DENND2C: variants seen among roughly 807,000 people sequenced by gnomAD.
DENND2C encodes DENN domain containing 2C, also known as DENN domain-containing protein 2C.
Under a neutral mutation model 112.4 loss-of-function variants are expected in DENND2C, and 72 were observed. The ratio of observed to expected loss-of-function variants is 0.64; its 90% confidence interval spans 0.53 to 0.78. The LOEUF (loss-of-function observed/expected upper bound fraction) is 0.78. DENND2C is among the 30% of genes least tolerant of loss of function. The pLI is 0.00. For missense variants in DENND2C, 992 were observed against 1,113.8 expected (o/e 0.89, Z 1.56); for synonymous variants, 329 against 381.6 (o/e 0.86, Z 1.61).
chr1:114,669,278 A>G (rs1400882297), intron 1 of DENND2C, among the ~76,000 whole-genome samples: 1 of 152,140 alleles, frequency 6.6e-6, no homozygotes, highest in Non-Finnish European at 1.5e-5. Flanking sequence ...CCCTGAGAAT[A>G]CCCATAGGCA....
intron 3 of DENND2C, among the ~76,000 whole-genome samples, chr1:114,633,720 C>A (rs1656565872): frequency 6.6e-6 from 1 of 151,840 alleles, no homozygotes; most frequent in Non-Finnish European, 1.5e-5. Context: ...AGAACGGTAA[C>A]AACAATAGTA....
intron 1 of DENND2C, among the ~76,000 whole-genome samples, chr1:114,664,077 C>A (rs79187725): frequency 0.05 from 7,538 of 151,760 alleles, 207 homozygotes; most frequent in South Asian, 0.085. Context: ...CGGCTGGGAC[C>A]ACAGGCATGT....
At chr1:114,629,498 C>T (rs1359252263) in intron 3 of DENND2C, among the ~76,000 whole-genome samples, 3 of 152,068 alleles carry the variant, frequency 2.0e-5, no homozygotes, top group African/African-American at 4.8e-5. Context: ...AGGCTGGTTT[C>T]GAACTCCTGA....
chr1:114,657,538 C>A lies in DENND2C; in HGVS notation c.-573-2777G>T, dbSNP rs577485863. Among the ~76,000 whole-genome samples, 10 of 152,222 alleles carry A rather than the reference C, an allele frequency of 6.6e-5. No individual in the cohort carries two copies. The East Asian group carries it at 1.9e-3, about 29-fold the overall frequency. On this transcript the variant is annotated intron_variant, in intron 1 of 20. Transcript: ENST00000393274. ...TGGAAGCCAAAGGAAGAGACTCTAT[C>A]AAGAAGGAAAGAGTGGTCAACAATT...
intron 8 of DENND2C, among the ~76,000 whole-genome samples, chr1:114,615,054 G>C (rs550453364): frequency 3.9e-5 from 6 of 151,974 alleles, no homozygotes; most frequent in African/African-American, 1.4e-4. Context: ...TGAATAGACT[G>C]CTGTTAATCT....
At chr1:114,586,381 G>A (rs191845720) in intron 20 of DENND2C, among the ~76,000 whole-genome samples, 3 of 152,068 alleles carry the variant, frequency 2.0e-5, no homozygotes, top group Non-Finnish European at 4.4e-5. Flanking sequence ...CATTTTTCTG[G>A]GAAAAAGGAC....
chr1:114,604,828 C>T, intron 11 of DENND2C, 94 bp downstream of exon 11: 1 of 879,208 alleles, frequency 1.1e-6, no homozygotes, highest in East Asian at 2.5e-5. Flanking sequence ...ACAGTATTCA[C>T]ATAGCTTCAC....
At chr1:114,598,086 G>A (rs1010459065) in intron 16 of DENND2C, among the ~76,000 whole-genome samples, 3 of 152,184 alleles carry the variant, frequency 2.0e-5, no homozygotes, top group Admixed American at 2.0e-4. Context: ...TATTAAAGTT[G>A]GAGATATGTT....
Position 114,619,060 on chromosome 1 carries a change from T to C in DENND2C, c.1228-578A>G, listed in dbSNP as rs145335605. ...CTATGTTTTTTCTTCCACTCATCAA[T>C]CTATTTCTCAAGCAAGTAAAATCCA... On this transcript the variant is annotated intron_variant, in intron 7 of 20. Coordinates refer to ENST00000393274, the MANE Select transcript of DENND2C (RefSeq NM_001256404.2). Among the ~76,000 whole-genome samples the C allele has an allele frequency of 1.8e-3, 279 of 152,328 alleles. 2 individuals are homozygous for C. The highest frequency in any genetic ancestry group is 2.7e-3 in the Non-Finnish European group (184 of 68,026).
At chr1:114,610,699 C>CA (rs528172027) in intron 9 of DENND2C, among the ~76,000 whole-genome samples, 16,000 of 83,232 alleles carry the variant, frequency 0.19, 1,000 homozygotes, top group Middle Eastern at 0.25. Context: ...GACTCCGTCT[C>CA]AAAAAAAAAA....
chr1:114,654,480 T>C (rs1183030222), intron 2 of DENND2C, 25 bp downstream of exon 2: 1 of 152,164 alleles, frequency 6.6e-6, no homozygotes, highest in African/African-American at 2.4e-5. Context: ...TTTTATAGCA[T>C]TTGTTTCAAA....
chr1:114,663,122 A>G (rs752734787), intron 1 of DENND2C, among the ~76,000 whole-genome samples: 1 of 152,248 alleles, frequency 6.6e-6, no homozygotes, highest in Non-Finnish European at 1.5e-5. Flanking sequence ...TACTGCTTAT[A>G]AAGTGAAGAC....
intron 8 of DENND2C, among the ~76,000 whole-genome samples, chr1:114,612,296 T>C (rs976054467): frequency 6.6e-6 from 1 of 152,136 alleles, no homozygotes; most frequent in Non-Finnish European, 1.5e-5. Flanking sequence ...CAAATGATGT[T>C]TGTAGAAACA....
rs1654936612 is a variant in DENND2C at position 114,582,858 on chromosome 1, GT to G, written c.*2741del. 1 of 152,154 alleles carries G rather than the reference GT, an allele frequency of 6.6e-6. No individual in the cohort carries two copies. The allele number at this position is 152,154 out of a possible 1,614,324, so 9.4% of individuals were successfully genotyped here. On this transcript the variant is annotated 3_prime_UTR_variant, in exon 21 of 21. Transcript: ENST00000393274. The stretch of plus-strand genomic sequence containing the variant: ...GAATTCTCCAAGGGATCTGTGGGGG[GT>G]TTATGTATTTATTCATTAAAAGATC...
intron 1 of DENND2C, among the ~76,000 whole-genome samples, chr1:114,669,745 GGCCACGA>G (rs1456293255): frequency 2.6e-5 from 4 of 152,010 alleles, no homozygotes; most frequent in African/African-American, 7.2e-5. Context: ...CAACCCGTGC[GGCCACGA>G]GAGGACGTCC....
rs1283907226 is a variant in DENND2C at position 114,583,656 on chromosome 1, A to T, written c.*1944T>A. 2.0e-5 allele frequency: 3 copies of T among 152,068 alleles called. No homozygotes were observed. The highest frequency in any genetic ancestry group is 2.0e-4 in the Admixed American group (3 of 15,258). The allele number at this position is 152,068 out of a possible 1,614,324, so 9.4% of individuals were successfully genotyped here. On this transcript the variant is annotated 3_prime_UTR_variant, in exon 21 of 21. Transcript: ENST00000393274. ...ACCCCCGTCTCCACTAAAAGTACAA[A>T]ATTAGCCAGGTGTGGTGGCGGGTGC...
chr1:114,639,794 C>T (rs897138762), intron 3 of DENND2C, among the ~76,000 whole-genome samples: 15 of 151,030 alleles, frequency 9.9e-5, no homozygotes, highest in East Asian at 5.9e-4. Flanking sequence ...ACTGCAACTT[C>T]GGCCTCCTGG....
intron 11 of DENND2C, among the ~76,000 whole-genome samples, chr1:114,603,288 T>C (rs1570763636): frequency 6.6e-6 from 1 of 152,004 alleles, no homozygotes; most frequent in East Asian, 2.0e-4. Flanking sequence ...TACAGGCATG[T>C]GCCATCACAC....
intron 10 of DENND2C, among the ~76,000 whole-genome samples, 175 bp from the exon 11 acceptor site, chr1:114,605,206 C>T (rs2101651319): frequency 6.6e-6 from 1 of 152,268 alleles, no homozygotes; most frequent in African/African-American, 2.4e-5. Context: ...TTCTGGAAAT[C>T]ACTGAGGATG....
Sources: allele counts gnomAD v4.1 joint callset (sites outside exome capture counted in the v4.1 genomes callset), GRCh38; gene constraint gnomAD v4.1.1; transcripts MANE v1.5; gene names NCBI Gene and HGNC (gene_info 2026-07-23, HGNC 2026-07-21).